The following RAPGEF5 variants were observed in gnomAD, a reference collection of about 807,000 sequenced individuals.
RAPGEF5 encodes M-Ras-regulated GEF.
In RAPGEF5, 65 loss-of-function variants were observed where a neutral mutation model predicts 125.2. The ratio of observed to expected loss-of-function variants is 0.52; its 90% CI spans 0.43 to 0.64. The LOEUF is 0.64. RAPGEF5 is among the 30% of genes least tolerant of loss of function. The pLI, the probability that RAPGEF5 is intolerant of heterozygous loss-of-function variation, is 0.00. For missense variants in RAPGEF5, 958 were observed against 1,048.1 expected (o/e 0.91, Z 1.19); for synonymous variants, 391 against 385.9 (o/e 1.01, Z -0.16).
chr7:22,336,458 A>C (rs1021696507), intron 1 of RAPGEF5, among the ~76,000 whole-genome samples: 2 of 152,220 alleles, frequency 1.3e-5, no homozygotes, highest in African/African-American at 4.8e-5. Flanking sequence ...AGAAGACTGA[A>C]CTTAAGCAAA....
At chr7:22,125,308 G>A (rs1331434303) in intron 25 of RAPGEF5, 2 of 313,462 alleles carry the variant, frequency 6.4e-6, no homozygotes, top group Non-Finnish European at 1.2e-5. Flanking sequence ...GACACTGTGG[G>A]GACAGGAGTC....
At chr7:22,350,673 AC>A (rs2128389321) in intron 1 of RAPGEF5, among the ~76,000 whole-genome samples, 1 of 152,318 alleles carries the variant, frequency 6.6e-6, no homozygotes, top group East Asian at 1.9e-4. Context: ...TAATTATGTC[AC>A]CAAAGTGTGG....
chr7:22,159,154 T>C (rs574164897), intron 14 of RAPGEF5, among the ~76,000 whole-genome samples: 120 of 152,368 alleles, frequency 7.9e-4, no homozygotes, highest in African/African-American at 2.8e-3. Flanking sequence ...TTGTCCTTTT[T>C]TTCTTTTTTT....
At chr7:22,311,343 T>C (rs984184498) in intron 3 of RAPGEF5, among the ~76,000 whole-genome samples, 2 of 152,176 alleles carry the variant, frequency 1.3e-5, no homozygotes, top group East Asian at 3.8e-4. Context: ...ATGTATCATA[T>C]AATGACTATC....
At chr7:22,188,900 C>T (rs1157577826) in intron 11 of RAPGEF5, among the ~76,000 whole-genome samples, 1 of 151,918 alleles carries the variant, frequency 6.6e-6, no homozygotes, top group African/African-American at 2.4e-5. Flanking sequence ...GTAACGAACT[C>T]ACTTTTTCAA....
At chr7:22,212,282 T>C (rs1785528487) in intron 9 of RAPGEF5, among the ~76,000 whole-genome samples, 1 of 152,146 alleles carries the variant, frequency 6.6e-6, no homozygotes, top group Admixed American at 6.5e-5. Context: ...CTCACATGTG[T>C]TCTTTCCTCT....
intron 9 of RAPGEF5, among the ~76,000 whole-genome samples, chr7:22,214,151 C>T (rs893859060): frequency 1.3e-5 from 2 of 152,122 alleles, no homozygotes; most frequent in African/African-American, 4.8e-5. Flanking sequence ...AAGGAAATTC[C>T]GGTTGAGGCT....
At chr7:22,150,282 A>G (rs1017021979) in intron 18 of RAPGEF5, 125 bp downstream of exon 18, 4 of 916,986 alleles carry the variant, frequency 4.4e-6, no homozygotes, top group Non-Finnish European at 1.6e-6. Flanking sequence ...GCAAACTTCT[A>G]AGCTGGTCTC....
At chr7:22,340,042 G>T (rs952834978) in intron 1 of RAPGEF5, among the ~76,000 whole-genome samples, 2 of 152,116 alleles carry the variant, frequency 1.3e-5, no homozygotes, top group Admixed American at 6.5e-5. Flanking sequence ...TGGGGTGAGG[G>T]CTTCTCTGAC....
chr7:22,150,285 C>T, intron 18 of RAPGEF5, 122 bp downstream of exon 18: 1 of 941,450 alleles, frequency 1.1e-6, no homozygotes, highest in Non-Finnish European at 1.6e-6. Flanking sequence ...AACTTCTAAG[C>T]TGGTCTCAAA....
At chr7:22,281,125 T>A (rs1782663935) in intron 6 of RAPGEF5, among the ~76,000 whole-genome samples, 1 of 152,190 alleles carries the variant, frequency 6.6e-6, no homozygotes, top group African/African-American at 2.4e-5. Flanking sequence ...TAAACACAAG[T>A]AGGGTTCTGG....
chr7:22,144,629 C>T (rs751373520), intron 20 of RAPGEF5, among the ~76,000 whole-genome samples: 13 of 152,142 alleles, frequency 8.5e-5, no homozygotes, highest in Non-Finnish European at 1.8e-4. Context: ...AACGAGTTCG[C>T]AAAAGTTCAT....
intron 5 of RAPGEF5, among the ~76,000 whole-genome samples, chr7:22,294,865 C>T (rs1636895): frequency 0.23 from 34,389 of 152,038 alleles, 4,433 homozygotes; most frequent in African/African-American, 0.35. Context: ...AATGACTTCC[C>T]GTCTCACTTA....
intron 18 of RAPGEF5, among the ~76,000 whole-genome samples, chr7:22,147,664 A>G (rs1783487474): frequency 6.6e-6 from 1 of 152,260 alleles, no homozygotes; most frequent in Non-Finnish European, 1.5e-5. Context: ...TTTCCTTAAG[A>G]TATGGCATAA....
intron 1 of RAPGEF5, among the ~76,000 whole-genome samples, chr7:22,326,618 C>T (rs573251613): frequency 6.6e-6 from 1 of 152,302 alleles, no homozygotes; most frequent in South Asian, 2.1e-4. Flanking sequence ...AAAATTATCT[C>T]CCATTGCAAT....
intron 20 of RAPGEF5, among the ~76,000 whole-genome samples, chr7:22,141,623 C>T (rs1465054016): frequency 6.6e-6 from 1 of 152,166 alleles, no homozygotes; most frequent in Non-Finnish European, 1.5e-5. Flanking sequence ...ACAGTGGAAC[C>T]TAGAAAGGCC....
intron 24 of RAPGEF5, among the ~76,000 whole-genome samples, chr7:22,127,865 A>G (rs1203791277): frequency 2.0e-5 from 3 of 152,240 alleles, no homozygotes; most frequent in African/African-American, 7.2e-5. Context: ...AATTGTTGTC[A>G]TAACCGTATT....
intron 9 of RAPGEF5, among the ~76,000 whole-genome samples, chr7:22,219,070 A>G (rs755426051): frequency 2.0e-5 from 3 of 152,164 alleles, no homozygotes; most frequent in Non-Finnish European, 4.4e-5. Context: ...GGAAAAATTA[A>G]AGTCAGAGAA....
rs1783956516 is a variant in RAPGEF5, at chr7:22,160,614, G to T, written c.1430C>A (p.Thr477Asn). 1.3e-6 allele frequency: 2 copies of T among 1,527,644 alleles called. No homozygotes were observed. The highest frequency in any genetic ancestry group is 2.1e-5 in the Admixed American group (1 of 46,800). The allele number at this position is 1,527,644 out of a possible 1,614,324, so 94.6% of individuals were successfully genotyped here. The change falls in exon 14 of 26, where the codon ACC (threonine) becomes AAC (asparagine). Residue 477 changes from threonine to asparagine, a missense_variant and splice_region_variant. By Grantham distance (65) the Thr-to-Asn change is moderately conservative (BLOSUM62 0). Transcript: ENST00000665637. Reference sequence around the variant, plus strand: ...ATCATCCAGTACATTCCTATATATGGTCTGGAGAAAAAAGACAAATGAGAG... The same window carrying T: ...ATCATCCAGTACATTCCTATATATGTTCTGGAGAAAAAAGACAAATGAGAG... ...EDEHSKMFLK[T>N]IYRNVLDDVY...
Sources: gnomAD v4.1 joint callset for allele counts (sites outside exome capture counted in the v4.1 genomes callset) on GRCh38, gnomAD v4.1.1 for gene constraint, MANE v1.5 for transcripts, NCBI Gene and HGNC (gene_info 2026-07-23, HGNC 2026-07-21) for gene names.